The following CLTC variants were observed in gnomAD, a reference collection of about 807,000 sequenced individuals.
The protein encoded by CLTC is clathrin heavy chain 1.
Under a neutral mutation model 195.8 loss-of-function variants are expected in CLTC, and 16 were observed. The ratio of observed to expected loss-of-function variants is 0.08; its 90% CI spans 0.06 to 0.12. CLTC has a LOEUF of 0.12. Among genes scored for constraint, CLTC ranks in the 10% least tolerant of loss-of-function variants. The pLI is 1.00. For synonymous variants in CLTC, 667 were observed against 689.4 expected (o/e 0.97, Z 0.51); for missense variants, 796 against 2,027.0 (o/e 0.39, Z 11.66).
intron 1 of CLTC, among the ~76,000 whole-genome samples, chr17:59,639,657 G>A (rs1327262136): frequency 6.6e-6 from 1 of 152,122 alleles, no homozygotes; most frequent in Admixed American, 6.6e-5. Context: ...CTTTATCCAT[G>A]CTTAGTTCCA....
At chr17:59,631,969 C>CA (rs201741031) in intron 1 of CLTC, among the ~76,000 whole-genome samples, 79,300 of 127,222 alleles carry the variant, frequency 0.62, 24,924 homozygotes, top group Non-Finnish European at 0.74. Flanking sequence ...GACCCTATCT[C>CA]AAAAAAAAAA....
At chr17:59,680,004 G>A (rs967207731) in intron 18 of CLTC, among the ~76,000 whole-genome samples, 2 of 151,920 alleles carry the variant, frequency 1.3e-5, no homozygotes, top group Admixed American at 6.6e-5. Context: ...CCGAGATCAC[G>A]CCATTGCACT....
chr17:59,652,579 G>A (rs1003159337), intron 5 of CLTC, among the ~76,000 whole-genome samples: 1 of 152,164 alleles, frequency 6.6e-6, no homozygotes, highest in Non-Finnish European at 1.5e-5. Flanking sequence ...GGGTGACTAT[G>A]TGCATTGTCG....
intron 30 of CLTC, among the ~76,000 whole-genome samples, chr17:59,686,473 TTA>T (rs2033187240): frequency 6.6e-6 from 1 of 152,082 alleles, no homozygotes; most frequent in South Asian, 2.1e-4. Flanking sequence ...AAAAACATGA[TTA>T]AAATCAGAGT....
chr17:59,680,842 G>A, intron 18 of CLTC, 70 bp from the exon 19 acceptor site: 3 of 1,309,726 alleles, frequency 2.3e-6, no homozygotes, highest in Non-Finnish European at 3.1e-6. Context: ...GTTTTCTAAT[G>A]AGAGGCCAAC....
chr17:59,631,636 G>A (rs2143457039), intron 1 of CLTC, among the ~76,000 whole-genome samples: 1 of 152,326 alleles, frequency 6.6e-6, no homozygotes, highest in South Asian at 2.1e-4. Flanking sequence ...TCTGTGGAAT[G>A]AATCAGCAAT....
chr17:59,686,251 T>C (rs1203422910), intron 30 of CLTC, among the ~76,000 whole-genome samples: 2 of 152,136 alleles, frequency 1.3e-5, no homozygotes, highest in Admixed American at 6.5e-5. Flanking sequence ...CACAATTTTT[T>C]TGATAGTTTA....
chr17:59,621,716 C>G (rs548003427), intron 1 of CLTC, among the ~76,000 whole-genome samples: 1 of 152,234 alleles, frequency 6.6e-6, no homozygotes, highest in East Asian at 1.9e-4. Context: ...AATAAAAACA[C>G]TTTTACAGAG....
chr17:59,640,076 T>G (rs1164546665), intron 1 of CLTC, among the ~76,000 whole-genome samples: 1 of 152,208 alleles, frequency 6.6e-6, no homozygotes, highest in Non-Finnish European at 1.5e-5. Flanking sequence ...AAAACCTGTT[T>G]AAAAATATGT....
At chr17:59,689,754 C>T (rs966167363) in intron 30 of CLTC, 2 of 152,142 alleles carry the variant, frequency 1.3e-5, no homozygotes, top group African/African-American at 4.8e-5. Flanking sequence ...TACAGAATTA[C>T]AGAATCAAAT....
rs759935239 is a variant in CLTC at position 59,648,616 on chromosome 17, CTTT to C, written c.681+216_681+218del. 4.0e-6 allele frequency: 2 copies of C among 505,850 alleles called. No individual in the cohort carries two copies. The highest frequency in any genetic ancestry group is 7.1e-6 in the Non-Finnish European group (2 of 282,672). 31.3% of individuals were successfully genotyped at this position (505,850 alleles called of 1,614,324 possible). A position where few individuals can be genotyped will look rare whatever the true frequency, so the allele number is the denominator to read the frequency against. ...ACTCGTTCTGTTGGCTGTTTATATT[CTTT>C]GATTGCTAAAGTGCACATTTATATG... On this transcript the variant is annotated intron_variant, in intron 4 of 31. Coordinates refer to ENST00000269122, the MANE Select transcript of CLTC (RefSeq NM_004859.4). The surrounding 1 kb of genome is among the most constrained non-coding windows in gnomAD (Gnocchi z 4.5).
At chr17:59,658,895 G>A (rs1052227709) in intron 6 of CLTC, 6 of 152,128 alleles carry the variant, frequency 3.9e-5, no homozygotes, top group African/African-American at 1.4e-4. Flanking sequence ...TGAGGATGGA[G>A]GTCGGACCTA....
intron 6 of CLTC, among the ~76,000 whole-genome samples, chr17:59,657,442 G>A (rs1228343978): frequency 2.6e-5 from 4 of 152,114 alleles, no homozygotes; most frequent in African/African-American, 9.7e-5. Context: ...GTAGCTTTCA[G>A]ATATTCAGTT....
At chr17:59,637,154 C>CAT (rs762550154) in intron 1 of CLTC, among the ~76,000 whole-genome samples, 7 of 151,850 alleles carry the variant, frequency 4.6e-5, no homozygotes, top group Non-Finnish European at 8.8e-5. Flanking sequence ...AAAACCAGTC[C>CAT]ATATTCATAT....
chr17:59,624,223 T>C (rs2031473196), intron 1 of CLTC, among the ~76,000 whole-genome samples: 1 of 152,120 alleles, frequency 6.6e-6, no homozygotes, highest in Non-Finnish European at 1.5e-5. Flanking sequence ...ATGGGATGTG[T>C]ACCTGAGTCT....
chr17:59,679,107 TATGTACATAC>T (rs1168975712), intron 17 of CLTC, among the ~76,000 whole-genome samples: 1 of 152,238 alleles, frequency 6.6e-6, no homozygotes, highest in African/African-American at 2.4e-5. Context: ...TATGCTCATT[TATGTACATAC>T]ATGTGCATAT....
chr17:59,652,922 G>C (rs1027241435), intron 5 of CLTC, among the ~76,000 whole-genome samples: 1 of 152,212 alleles, frequency 6.6e-6, no homozygotes, highest in Non-Finnish European at 1.5e-5. Context: ...ATCTTAGCTA[G>C]ATCTTCCATA....
At chr17:59,653,644 C>T (rs1465229570) in intron 5 of CLTC, among the ~76,000 whole-genome samples, 2 of 152,084 alleles carry the variant, frequency 1.3e-5, no homozygotes, top group African/African-American at 4.8e-5. Context: ...CTTGGAACTC[C>T]TGGGCTCAAC....
chr17:59,682,171 G>A lies in CLTC; in HGVS notation c.3443-100G>A. The A allele has an allele frequency of 8.9e-7, 1 of 1,126,650 alleles. No homozygotes were observed. Among genetic ancestry groups the A allele is most frequent in the Admixed American group, 2.3e-5 (1 of 43,632 alleles). 69.8% of individuals were successfully genotyped at this position (1,126,650 alleles called of 1,614,324 possible). A position where few individuals can be genotyped will look rare whatever the true frequency, so the allele number is the denominator to read the frequency against. ...ACGGTTTACATTTGTCATTATCCAT[G>A]TTTCCTTGAAAAGGAAATGAATGCA... On this transcript the variant is annotated intron_variant, in intron 21 of 31. Transcript: ENST00000269122. This position sits in a 1 kb window ranked among gnomAD's most constrained non-coding sequence, Gnocchi z 6.8.
Sources: gnomAD v4.1 joint callset for allele counts (sites outside exome capture counted in the v4.1 genomes callset) on GRCh38, gnomAD v4.1.1 for gene constraint, Gnocchi (gnomAD v3.1) non-coding constraint, MANE v1.5 for transcripts, NCBI Gene and HGNC (gene_info 2026-07-23, HGNC 2026-07-21) for gene names.